The following TENM1 variants were observed in gnomAD, a reference collection of about 807,000 sequenced individuals.
TENM1 encodes the protein teneurin transmembrane protein 1, also known as teneurin-1.
Under a neutral mutation model 174.8 loss-of-function variants are expected in TENM1, and 35 were observed. The ratio of observed to expected loss-of-function variants is 0.20; its 90% confidence interval spans 0.15 to 0.27. The LOEUF (loss-of-function observed/expected upper bound fraction) is 0.27, where lower values mean the gene tolerates loss of function less well. Ranked by LOEUF, TENM1 falls within the 10% of genes least tolerant of loss-of-function variation. The probability of loss-of-function intolerance (pLI) is 1.00; values close to 1 mark genes in which losing one functional copy is unlikely to be tolerated. For synonymous variants in TENM1, 781 were observed against 798.7 expected (o/e 0.98, Z 0.37); for missense variants, 1,633 against 2,130.1 (o/e 0.77, Z 4.59).
chrX:125,165,323 C>A, the TENM1 span, among the ~76,000 whole-genome samples: 1 of 111,558 alleles, frequency 9.0e-6, no homozygotes, highest in Admixed American at 9.5e-5. Context: ...CCACTATACC[C>A]CTGATTCAAA....
At chrX:124,477,747 C>T (rs1356102368) in intron 22 of TENM1, among the ~76,000 whole-genome samples, 1 of 67,207 alleles carries the variant, frequency 1.5e-5, no homozygotes, top group Non-Finnish European at 2.5e-5. Context: ...GAGACTTCGT[C>T]TCAAAAAAAA....
chrX:125,088,312 C>T, the TENM1 span, among the ~76,000 whole-genome samples: 1 of 110,964 alleles, frequency 9.0e-6, no homozygotes, highest in Non-Finnish European at 1.9e-5. Flanking sequence ...CCTAAGGATA[C>T]GTAACAACTA....
intron 1 of TENM1, among the ~76,000 whole-genome samples, chrX:124,953,192 C>T (rs1441768718): frequency 8.9e-6 from 1 of 112,034 alleles, no homozygotes; most frequent in African/African-American, 3.2e-5. Flanking sequence ...CTGCTTTTGA[C>T]TGTTAATATG....
intron 23 of TENM1, among the ~76,000 whole-genome samples, chrX:124,452,611 G>A (rs764403124): frequency 1.2e-4 from 13 of 111,031 alleles, no homozygotes; most frequent in African/African-American, 4.3e-4. Context: ...CAAAGACCTG[G>A]AACCAACCCA....
At chrX:124,455,520 T>C (rs184190383) in intron 22 of TENM1, among the ~76,000 whole-genome samples, 24 of 111,384 alleles carry the variant, frequency 2.2e-4, no homozygotes, top group Admixed American at 9.6e-4. Context: ...TATCGCTGAG[T>C]ATAAAATTTC....
At chrX:124,946,509 G>GAGA in intron 1 of TENM1, among the ~76,000 whole-genome samples, 1 of 111,489 alleles carries the variant, frequency 9.0e-6, no homozygotes, top group South Asian at 3.8e-4. Context: ...TTGGGAGGAT[G>GAGA]AGAAGGATCC....
the TENM1 span, among the ~76,000 whole-genome samples, chrX:125,029,981 C>T: frequency 8.9e-6 from 1 of 112,006 alleles, no homozygotes; most frequent in Non-Finnish European, 1.9e-5. Flanking sequence ...AAGAGATTTG[C>T]CTGCAAATTA....
chrX:124,387,500 T>C (rs2060233506), intron 28 of TENM1, among the ~76,000 whole-genome samples: 1 of 112,450 alleles, frequency 8.9e-6, no homozygotes, highest in Admixed American at 9.4e-5. Flanking sequence ...AGTTGAGGGT[T>C]ATTTATTCAA....
intron 6 of TENM1, 69 bp downstream of exon 9, chrX:124,671,614 C>T: frequency 1.9e-6 from 2 of 1,042,848 alleles, no homozygotes; most frequent in South Asian, 2.2e-5. Context: ...GTGAAACCAT[C>T]CCAGCTACAG....
At chrX:124,841,461 G>C (rs1473939984) in intron 3 of TENM1, among the ~76,000 whole-genome samples, 1 of 111,004 alleles carries the variant, frequency 9.0e-6, no homozygotes, top group Admixed American at 9.6e-5. Flanking sequence ...TTAGGAAAAA[G>C]TGGACAAAAC....
At chrX:124,484,035 A>G (rs180928633) in intron 21 of TENM1, among the ~76,000 whole-genome samples, 16 of 111,991 alleles carry the variant, frequency 1.4e-4, no homozygotes, top group African/African-American at 4.9e-4. Flanking sequence ...ATGTCTTCTT[A>G]GGCTCTTCTG....
intron 22 of TENM1, among the ~76,000 whole-genome samples, chrX:124,467,905 C>T (rs959080838): frequency 3.6e-5 from 4 of 110,178 alleles, no homozygotes; most frequent in African/African-American, 1.3e-4. Context: ...ATTACAGGCA[C>T]ACGCCACCAT....
intron 3 of TENM1, among the ~76,000 whole-genome samples, chrX:124,793,316 T>C (rs1021179561): frequency 3.6e-5 from 4 of 111,038 alleles, no homozygotes; most frequent in Non-Finnish European, 7.6e-5. Context: ...AAAATAAAAA[T>C]GAAATAAAAT....
At chrX:124,860,205 C>T (rs994898239) in intron 3 of TENM1, among the ~76,000 whole-genome samples, 6 of 111,927 alleles carry the variant, frequency 5.4e-5, no homozygotes, top group Non-Finnish European at 1.1e-4. Context: ...AAATTATTTG[C>T]GTACAGGACT....
chrX:124,957,578 CAAAAAAAAA>C (rs1225936775), intron 1 of TENM1, among the ~76,000 whole-genome samples: 3 of 31,054 alleles, frequency 9.7e-5, no homozygotes, highest in Admixed American at 4.8e-4. Context: ...AACTCCAACT[CAAAAAAAAA>C]AAAAAAAAAA....
chrX:124,623,723 C>T (rs1028365559), intron 11 of TENM1, among the ~76,000 whole-genome samples: 1 of 111,667 alleles, frequency 9.0e-6, no homozygotes, highest in African/African-American at 3.3e-5. Flanking sequence ...AGTTGGGAAA[C>T]CTTCCTTCCT....
rs1292375601 is a variant in TENM1, at chrX:124,422,322, G to A, written c.4421C>T (p.Ala1474Val). The stretch of plus-strand genomic sequence containing the variant: ...AATTTTGCAGTCACAGTCAGTGGGG[G>A]CACCAGCGATGATGTAGATCTCCCC... Residue 1474 changes from alanine (A) to valine (V), a missense_variant, in exon 24 of 32, where the codon GCC (alanine) becomes GTC (valine). Around this residue, in one of 4 missense-constraint regions of TENM1, gnomAD observed 807 missense variants for 1,125.3 expected, o/e 0.72. Transcript: ENST00000422452. The A allele has an allele frequency of 1.7e-6, 2 of 1,211,033 alleles. No individual in the cohort carries two copies. The highest frequency in any genetic ancestry group is 3.5e-5 in the African/African-American group (2 of 57,788).
intron 3 of TENM1, among the ~76,000 whole-genome samples, chrX:124,792,587 G>A (rs1242790429): frequency 9.0e-6 from 1 of 111,673 alleles, no homozygotes; most frequent in Non-Finnish European, 1.9e-5. Context: ...AAAATTCGAA[G>A]CATATTTGTT....
At chrX:125,130,421 CTTGA>C in the TENM1 span, among the ~76,000 whole-genome samples, 1 of 110,709 alleles carries the variant, frequency 9.0e-6, no homozygotes, top group African/African-American at 3.3e-5. Flanking sequence ...GGTTCATTAT[CTTGA>C]TTAATGATAT....
Sources: allele counts gnomAD v4.1 joint callset (sites outside exome capture counted in the v4.1 genomes callset), GRCh38; gene constraint gnomAD v4.1.1; regional missense constraint gnomAD v4.1.1; transcripts MANE v1.5; gene names NCBI Gene and HGNC (gene_info 2026-07-23, HGNC 2026-07-21).